SLC2A8: variants seen among roughly 807,000 people sequenced by gnomAD.
The protein encoded by SLC2A8 is solute carrier family 2, facilitated glucose transporter member 8.
SLC2A8 carries 53 observed loss-of-function variants against 49.2 expected under a neutral mutation model. The observed-to-expected ratio is 1.08, with a 90% CI of 0.86 to 1.35. The LOEUF (loss-of-function observed/expected upper bound fraction) is 1.35. Ranked by LOEUF, SLC2A8 falls within the 40% of genes most tolerant of loss-of-function variation. SLC2A8 has a pLI of 0.00. For missense variants in SLC2A8, 688 were observed against 671.7 expected, an observed-to-expected ratio of 1.02 and a Z score of -0.27; for synonymous variants, 299 against 297.0, an observed-to-expected ratio of 1.01 and a Z score of -0.07.
At chr9:127,406,093 C>T (rs1833483424) in intron 9 of SLC2A8, 1 of 517,712 alleles carries the variant, frequency 1.9e-6, no homozygotes, top group Admixed American at 1.9e-5. Flanking sequence ...GCTTCCCAGC[C>T]AACAGAGAGA....
chr9:127,397,972 G>A lies in SLC2A8; in HGVS notation c.287G>A (p.Arg96His). Residue 96 changes from arginine (R) to histidine (H), a missense_variant, in exon 3 of 10, where the codon CGC becomes CAC. Coordinates refer to ENST00000373371, the MANE Select transcript of SLC2A8 (RefSeq NM_014580.5). ...GGCTGGCTGGTGGACCGCGCCGGGC[G>A]CAAGCTGAGCCTCTTGCTGTGCTCC... ...LGGWLVDRAG[R>H]KLSLLLCSVP... The A allele has an allele frequency of 2.0e-6, 3 of 1,538,120 alleles. No homozygotes were observed. The highest frequency in any genetic ancestry group is 2.6e-6 in the Non-Finnish European group (3 of 1,148,358).
In SLC2A8 at chr9:127,404,954, C is replaced by A. The variant is rs1833435961; in HGVS notation, c.1113C>A (p.Ala371=). ...AQPVDASVGL[A]WLAVGSMCLF... ...CTGTTGATGCCAGCGTGGGGCTGGC[C>A]TGGCTGGCCGTGGGCAGCATGTGCC... The change falls in exon 8 of 10, where the codon GCC becomes GCA. Residue 371 remains alanine (A), a synonymous_variant. Transcript: ENST00000373371. 1.2e-6 allele frequency: 2 copies of A among 1,610,424 alleles called. No homozygotes were observed. Among genetic ancestry groups the A allele is most frequent in the Non-Finnish European group, 1.7e-6 (2 of 1,179,142 alleles).
chr9:127,397,431 C>G lies in SLC2A8; in HGVS notation c.112C>G (p.Leu38Val), dbSNP rs765179278. The change falls in exon 2 of 10, where the codon CTC becomes GTC. Residue 38 changes from leucine to valine, a missense_variant. Physicochemically the swap from Leu to Val is conservative, Grantham distance 32 (BLOSUM62 1). Coordinates refer to ENST00000373371, the MANE Select transcript of SLC2A8 (RefSeq NM_014580.5). ...LAAFAAALGP[L>V]SFGFALGYSS... is the part of the protein sequence containing the mutation. ...CGCCTTCGCCGCTGCCCTGGGCCCA[C>G]TCAGCTTCGGCTTCGCGCTCGGCTA... 6.7e-7 allele frequency: 1 copy of G among 1,487,194 alleles called. No homozygotes were observed. The highest frequency in any genetic ancestry group is 8.9e-7 in the Non-Finnish European group (1 of 1,127,012). The allele number at this position is 1,487,194 out of a possible 1,614,324, so 92.1% of individuals were successfully genotyped here. A position where few individuals can be genotyped will look rare whatever the true frequency, so the allele number is the denominator to read the frequency against.
At chr9:127,398,865 C>T (rs1833154599) in intron 3 of SLC2A8, among the ~76,000 whole-genome samples, 1 of 152,328 alleles carries the variant, frequency 6.6e-6, no homozygotes, top group African/African-American at 2.4e-5. Flanking sequence ...TGCCCCCAGC[C>T]ATGGGCTTGG....
intron 5 of SLC2A8, 149 bp from the exon 6 acceptor site, chr9:127,403,511 T>C (rs1833370595): frequency 1.1e-6 from 1 of 881,902 alleles, no homozygotes; most frequent in African/African-American, 1.7e-5. Flanking sequence ...GGGACTTGTC[T>C]GCACACCTGA....
Position 127,398,078 on chromosome 9 carries a change from C to G in SLC2A8, c.393C>G (p.Gly131=). 6.3e-7 allele frequency: 1 copy of G among 1,587,792 alleles called. No individual in the cohort carries two copies. The highest frequency in any genetic ancestry group is 8.5e-7 in the Non-Finnish European group (1 of 1,172,428). ...TGCTGGGGGGCCGCCTCCTCACCGG[C>G]CTGGCCTGCGGTGTTGCCTCCCTAG... The part of the protein sequence containing the change: ...WMLLGGRLLT[G]LACGVASLVA... Residue 131 remains glycine, a synonymous_variant, in exon 3 of 10, where the codon GGC becomes GGG. Coordinates refer to ENST00000373371, the MANE Select transcript of SLC2A8 (RefSeq NM_014580.5).
At position 127,397,964 on chromosome 9, in the gene SLC2A8, C is replaced by T. The variant is rs1361125387; in HGVS notation, c.279C>T (p.Arg93=). ...GGVLGGWLVD[R]AGRKLSLLLC... ...TGCTGGGCGGCTGGCTGGTGGACCG[C>T]GCCGGGCGCAAGCTGAGCCTCTTGC... The change falls in exon 3 of 10, where the codon CGC becomes CGT. Residue 93 remains arginine (R), a synonymous_variant. Coordinates refer to ENST00000373371, the MANE Select transcript of SLC2A8 (RefSeq NM_014580.5). The T allele has an allele frequency of 6.5e-7, 1 of 1,536,058 alleles. No individual in the cohort carries two copies. The highest frequency in any genetic ancestry group is 8.7e-7 in the Non-Finnish European group (1 of 1,147,340).
chr9:127,406,016 T>C (rs754966976), intron 9 of SLC2A8: 2 of 520,680 alleles, frequency 3.8e-6, no homozygotes, highest in South Asian at 2.8e-5. Context: ...ATGGGAGCAT[T>C]AATTCAGTTC....
rs1319940966 is a variant in SLC2A8 at position 127,407,099 on chromosome 9, C to T, written c.1297-13C>T. On this transcript the variant is annotated splice_polypyrimidine_tract_variant and intron_variant, in intron 9 of 9. Coordinates refer to ENST00000373371, the MANE Select transcript of SLC2A8 (RefSeq NM_014580.5). ...CTCCCCGCGTCCACCCATGGCCTTTCCTCTCTCTGCAGGAGGTCCTCAGGC... is the reference window on the plus strand; with the variant it reads ...CTCCCCGCGTCCACCCATGGCCTTTTCTCTCTCTGCAGGAGGTCCTCAGGC... 1 of 1,612,506 alleles carries T rather than the reference C, an allele frequency of 6.2e-7. No homozygotes were observed.
At position 127,407,613 on chromosome 9, in the gene SLC2A8, G is replaced by C. The variant is rs1213105096; in HGVS notation, c.*364G>C. 1 of 371,282 alleles carries C rather than the reference G, an allele frequency of 2.7e-6. No homozygotes were observed. Among genetic ancestry groups the C allele is most frequent in the African/African-American group, 2.1e-5 (1 of 47,290 alleles). 23.0% of individuals were successfully genotyped at this position (371,282 alleles called of 1,614,324 possible). A position where few individuals can be genotyped will look rare whatever the true frequency, so the allele number is the denominator to read the frequency against. On this transcript the variant is annotated 3_prime_UTR_variant, in exon 10 of 10. Coordinates refer to ENST00000373371, the MANE Select transcript of SLC2A8 (RefSeq NM_014580.5). ...GGCATTCAGTCGCTCCTCTCACGCG[G>C]CTGCCTTATCGGGAAGGAAATTTGT...
intron 3 of SLC2A8, chr9:127,398,411 T>G: frequency 1.4e-6 from 1 of 719,688 alleles, no homozygotes; most frequent in African/African-American, 1.7e-5. Context: ...TTGTCCCACT[T>G]AGCCGTGCCC....
rs775068939 is a variant in SLC2A8, at chr9:127,399,733, C to T, written c.427-174C>T. On this transcript the variant is annotated intron_variant, in intron 3 of 9. Transcript: ENST00000373371. This position sits in a 1 kb window ranked among gnomAD's most constrained non-coding sequence, Gnocchi z 4.2. ...AGTAGCTGGGATTACAGATGTGTGC[C>T]ACTAGGCCCAGCTAATTTTGTATTT... 1.4e-4 allele frequency among the ~76,000 whole-genome samples: 21 copies of T among 152,182 alleles called. No individual in the cohort carries two copies. In the South Asian group the frequency reaches 1.7e-3, roughly 12 times the overall value.
rs577529527 is a variant in SLC2A8 at position 127,402,884 on chromosome 9, G to A, written c.723+131G>A. 3.8e-5 allele frequency: 44 copies of A among 1,158,176 alleles called. No homozygotes were observed. The South Asian group carries it at 5.3e-4, about 14-fold the overall frequency. 71.7% of individuals were successfully genotyped at this position (1,158,176 alleles called of 1,614,324 possible). Reference sequence around the variant, plus strand: ...TGCCTATCCACCCTCCACCCTCAGCGAGGACAGGCCCAGTGTGTCCTGTCT... The same window carrying A: ...TGCCTATCCACCCTCCACCCTCAGCAAGGACAGGCCCAGTGTGTCCTGTCT... On this transcript the variant is annotated intron_variant, in intron 5 of 9. Transcript: ENST00000373371.
intron 5 of SLC2A8, 130 bp from the exon 6 acceptor site, chr9:127,403,530 G>C (rs533537465): frequency 5.2e-5 from 55 of 1,053,526 alleles, no homozygotes; most frequent in South Asian, 4.2e-4. Context: ...GAGGACACAG[G>C]GGGTGCTGGG....
In SLC2A8 at chr9:127,402,741, C is replaced by G. The variant is rs772175308; in HGVS notation, c.711C>G (p.Ile237Met). The change falls in exon 5 of 10, where the codon ATC becomes ATG. Residue 237 changes from isoleucine (I) to methionine (M), a missense_variant. Transcript: ENST00000373371. ...AGCAGGGCTGGGAAGACCCCCCCAT[C>G]GGGGCTGAGCAGGTGAGAGGCTGGA... ...GSEQGWEDPPIGAEQSFHLAL... is the reference protein window; with the variant it reads ...GSEQGWEDPPMGAEQSFHLAL... The G allele has an allele frequency of 1.0e-5, 16 of 1,544,816 alleles. No homozygotes were observed. Among genetic ancestry groups the G allele is most frequent in the Middle Eastern group, 2.0e-4 (1 of 5,122 alleles).
intron 5 of SLC2A8, chr9:127,403,241 T>G: frequency 8.4e-6 from 2 of 238,848 alleles, no homozygotes; most frequent in Non-Finnish European, 1.6e-5. Context: ...AAGGCGGGGC[T>G]TAGGGAGGAG....
intron 9 of SLC2A8, among the ~76,000 whole-genome samples, chr9:127,406,355 G>A (rs990972627): frequency 1.3e-4 from 20 of 152,324 alleles, no homozygotes; most frequent in Non-Finnish European, 2.6e-4. Flanking sequence ...CTTGGGACCC[G>A]CTTAGGCAGG....
Position 127,404,943 on chromosome 9 carries a change from G to A in SLC2A8, c.1102G>A (p.Val368Met), listed in dbSNP as rs138943276. 1.6e-5 allele frequency: 25 copies of A among 1,611,262 alleles called. No homozygotes were observed. In the South Asian group the frequency reaches 1.8e-4, roughly 11 times the overall value. Reference protein sequence around the residue: ...PVSAQPVDASVGLAWLAVGSM... With the variant: ...PVSAQPVDASMGLAWLAVGSM... ...CTCTGCACAGCCTGTTGATGCCAGC[G>A]TGGGGCTGGCCTGGCTGGCCGTGGG... Residue 368 changes from valine (V) to methionine (M), a missense_variant, in exon 8 of 10, where the codon GTG becomes ATG. Coordinates refer to ENST00000373371, the MANE Select transcript of SLC2A8 (RefSeq NM_014580.5).
Position 127,402,839 on chromosome 9 carries a change from G to C in SLC2A8, c.723+86G>C, listed in dbSNP as rs574990044. ...GCCTGTTCCCAAGGCCACACACTTGGGGGGTGGGGGACAGGGAGGTGCCTA... is the reference window on the plus strand; with the variant it reads ...GCCTGTTCCCAAGGCCACACACTTGCGGGGTGGGGGACAGGGAGGTGCCTA... On this transcript the variant is annotated intron_variant, in intron 5 of 9. Transcript: ENST00000373371. The C allele has an allele frequency of 1.8e-5, 25 of 1,413,616 alleles. No homozygotes were observed. In the East Asian group the frequency reaches 4.9e-4, roughly 27 times the overall value. 87.6% of individuals were successfully genotyped at this position (1,413,616 alleles called of 1,614,324 possible).
Sources: allele counts gnomAD v4.1 joint callset (sites outside exome capture counted in the v4.1 genomes callset), GRCh38; gene constraint gnomAD v4.1.1; non-coding constraint Gnocchi (gnomAD v3.1); transcripts MANE v1.5; gene names NCBI Gene and HGNC (gene_info 2026-07-23, HGNC 2026-07-21).